The following NLRC3 variants were observed in gnomAD, a reference collection of about 807,000 sequenced individuals.
NLRC3 encodes the protein NLR family CARD domain-containing protein 3.
A neutral mutation model predicts 91.6 loss-of-function variants in NLRC3; 87 were observed. The ratio of observed to expected loss-of-function variants is 0.95; its 90% CI spans 0.80 to 1.14. NLRC3 has a LOEUF of 1.14. Ranked by LOEUF, NLRC3 falls within the 50% of genes most tolerant of loss-of-function variation. NLRC3 has a pLI of 0.00. For missense variants in NLRC3, 1,577 were observed against 1,418.6 expected (o/e 1.11, Z -1.79); for synonymous variants, 694 against 625.3 (o/e 1.11, Z -1.64).
chr16:3,556,865 T>G (rs769620794), intron 8 of NLRC3, 46 bp downstream of exon 8: 1 of 1,364,334 alleles, frequency 7.3e-7, no homozygotes, highest in Non-Finnish European at 1.0e-6. Context: ...GAGGGTTTTC[T>G]GGGCCCTCTC....
rs1311189799 is a variant in NLRC3, at chr16:3,541,035, T to A, written c.*790A>T. On this transcript the variant is annotated 3_prime_UTR_variant, in exon 20 of 20. Coordinates refer to ENST00000359128, the MANE Select transcript of NLRC3 (RefSeq NM_178844.4). ...GCCTGGCCAACATGATGAAACCCCG[T>A]CTCTACTAAAACTACAAAAATTAGC... 1.3e-5 allele frequency: 2 copies of A among 152,034 alleles called. No homozygotes were observed. The highest frequency in any genetic ancestry group is 6.6e-5 in the Admixed American group (1 of 15,260). 9.4% of individuals were successfully genotyped at this position (152,034 alleles called of 1,614,324 possible).
At position 3,539,490 on chromosome 16, in the gene NLRC3, C is replaced by T. The variant is rs901591677; in HGVS notation, c.*2335G>A. 1.3e-5 allele frequency: 2 copies of T among 152,154 alleles called. No individual in the cohort carries two copies. The highest frequency in any genetic ancestry group is 2.4e-5 in the African/African-American group (1 of 41,428). 9.4% of individuals were successfully genotyped at this position (152,154 alleles called of 1,614,324 possible). Reference sequence around the variant, plus strand: ...TTTGAAAAGGGAGAGAGGGAGGACTCTTTGTTTTCTCCACCAGTTTGGCTC... The same window carrying T: ...TTTGAAAAGGGAGAGAGGGAGGACTTTTTGTTTTCTCCACCAGTTTGGCTC... On this transcript the variant is annotated 3_prime_UTR_variant, in exon 20 of 20. Transcript: ENST00000359128.
chr16:3,562,640 C>G (rs550796483), intron 5 of NLRC3, among the ~76,000 whole-genome samples: 48 of 150,196 alleles, frequency 3.2e-4, no homozygotes, highest in Admixed American at 1.7e-3. Context: ...GACTCCATCT[C>G]AAAAAAAAAG....
intron 1 of NLRC3, among the ~76,000 whole-genome samples, chr16:3,576,298 C>G (rs1042727779): frequency 6.6e-6 from 1 of 152,218 alleles, no homozygotes; most frequent in Admixed American, 6.5e-5. Flanking sequence ...CCGTCTCTCT[C>G]GACCCTTGTC....
At chr16:3,560,257 G>A (rs1326555109) in intron 6 of NLRC3, among the ~76,000 whole-genome samples, 3 of 151,748 alleles carry the variant, frequency 2.0e-5, no homozygotes, top group Non-Finnish European at 4.4e-5. Context: ...ACCCTGTATC[G>A]ACTAAAAATA....
intron 9 of NLRC3, among the ~76,000 whole-genome samples, chr16:3,552,773 C>T (rs992573998): frequency 6.6e-6 from 1 of 152,098 alleles, no homozygotes; most frequent in African/African-American, 2.4e-5. Flanking sequence ...AACTCCGTCT[C>T]TACTAAAAAT....
Position 3,549,240 on chromosome 16 carries a change from A to C in NLRC3, c.2520-15T>G. 6.4e-7 allele frequency: 1 copy of C among 1,556,804 alleles called. No homozygotes were observed. The highest frequency in any genetic ancestry group is 8.7e-7 in the Non-Finnish European group (1 of 1,146,752). Reference sequence around the variant, plus strand: ...TTTCTCGAAGGCTGAAAAAAAAGGAAAGACCTGAGCTTCTGACCGGGCAGA... The same window carrying C: ...TTTCTCGAAGGCTGAAAAAAAAGGACAGACCTGAGCTTCTGACCGGGCAGA... On this transcript the variant is annotated splice_polypyrimidine_tract_variant and intron_variant, in intron 12 of 19. Coordinates refer to ENST00000359128, the MANE Select transcript of NLRC3 (RefSeq NM_178844.4).
In NLRC3 at chr16:3,556,932, T is replaced by C. The variant is rs749278050; in HGVS notation, c.2162A>G (p.Asn721Ser). ...ACACCTCAGGGAGGTCAGGGTGCGG[T>C]TGATCTTCAAAGCGTCTGCCAGCGC... Reference protein sequence around the residue: ...AKALADALKINRTLTSLSLQG... With the variant: ...AKALADALKISRTLTSLSLQG... Residue 721 changes from asparagine (N) to serine (S), a missense_variant, in exon 8 of 20, where the codon AAC (asparagine) becomes AGC (serine). By Grantham distance (46) the Asn-to-Ser change is conservative (BLOSUM62 1). Transcript: ENST00000359128. 5.0e-6 allele frequency: 8 copies of C among 1,613,470 alleles called. No individual in the cohort carries two copies. Among genetic ancestry groups the C allele is most frequent in the South Asian group, 2.2e-5 (2 of 91,036 alleles).
At chr16:3,575,907 C>G (rs1165788268) in intron 1 of NLRC3, among the ~76,000 whole-genome samples, 1 of 152,220 alleles carries the variant, frequency 6.6e-6, no homozygotes, top group Non-Finnish European at 1.5e-5. Flanking sequence ...GCCCCTGCCC[C>G]CTCCCAGGGC....
rs375515785 is a variant in NLRC3 at position 3,541,844 on chromosome 16, G to A, written c.3179C>T (p.Thr1060Met). ...ISEAIKTNAP[T>M]CTVEM ...CCAGGATCACATTTCAACAGTGCAC[G>A]TGGGAGCATTTGTCTTGATGGCCTC... Residue 1060 changes from threonine (T) to methionine (M), a missense_variant, in exon 20 of 20, where the codon ACG becomes ATG. Transcript: ENST00000359128. The A allele has an allele frequency of 1.9e-5, 30 of 1,610,664 alleles. No homozygotes were observed. The highest frequency in any genetic ancestry group is 2.7e-5 in the African/African-American group (2 of 75,004).
At chr16:3,550,343 C>T in intron 11 of NLRC3, 71 bp downstream of exon 11, 1 of 1,033,226 alleles carries the variant, frequency 9.7e-7, no homozygotes, top group East Asian at 2.4e-5. Context: ...AGCCATTTTT[C>T]AGGACTGCCG....
At chr16:3,547,242 C>T (rs960597058) in intron 15 of NLRC3, among the ~76,000 whole-genome samples, 2 of 152,168 alleles carry the variant, frequency 1.3e-5, no homozygotes, top group Non-Finnish European at 2.9e-5. Context: ...AGACAGGCTA[C>T]AATGTGGATG....
intron 18 of NLRC3, 60 bp from the exon 19 acceptor site, chr16:3,542,334 G>A (rs978461511): frequency 1.9e-6 from 2 of 1,054,374 alleles, no homozygotes; most frequent in African/African-American, 3.2e-5. Context: ...AAAACACCCG[G>A]GGAAGCAACA....
chr16:3,551,998 C>T (rs2039037466), intron 10 of NLRC3, among the ~76,000 whole-genome samples, 198 bp downstream of exon 10: 2 of 151,830 alleles, frequency 1.3e-5, no homozygotes, highest in African/African-American at 4.8e-5. Context: ...TCCATCCATC[C>T]ATCCATCCAT....
At chr16:3,552,889 G>A (rs578158757) in intron 9 of NLRC3, among the ~76,000 whole-genome samples, 1 of 152,276 alleles carries the variant, frequency 6.6e-6, no homozygotes, top group East Asian at 1.9e-4. Flanking sequence ...GCAGTGAGCC[G>A]AGATTACGCC....
rs777967629 is a variant in NLRC3 at position 3,550,459 on chromosome 16, G to C, written c.2390C>G (p.Ala797Gly). 6.2e-7 allele frequency: 1 copy of C among 1,613,566 alleles called. No individual in the cohort carries two copies. Among genetic ancestry groups the C allele is most frequent in the African/African-American group, 1.3e-5 (1 of 75,038 alleles). ...GTTCACCTTCAGGGCCTCAGCCAGG[G>C]CCTTGGCACCTCCATCACCAATACT... ...SNSIGDGGAK[A>G]LAEALKVNQG... Residue 797 changes from alanine (A) to glycine (G), a missense_variant, in exon 11 of 20, where the codon GCC becomes GGC. Physicochemically the swap from Ala to Gly is moderately conservative, Grantham distance 60. Transcript: ENST00000359128.
intron 6 of NLRC3, among the ~76,000 whole-genome samples, chr16:3,559,631 CTT>C (rs1261738397): frequency 7.0e-6 from 1 of 141,980 alleles, no homozygotes; most frequent in African/African-American, 2.6e-5. Flanking sequence ...TTTTACTTTT[CTT>C]TTTTTTTTTC....
chr16:3,548,736 AG>A lies in NLRC3; in HGVS notation c.2620del (p.Leu874SerfsTer13). The A allele has an allele frequency of 6.2e-7, 1 of 1,604,048 alleles. No individual in the cohort carries two copies. Among genetic ancestry groups the A allele is most frequent in the Non-Finnish European group, 8.5e-7 (1 of 1,175,634 alleles). The part of the protein sequence containing the change: ...LKNLDLTANL[L>X]HDQGARAIAV... Reference sequence around the variant, plus strand: ...GATGGCCCGGGCACCCTGGTCGTGGAGGAGGTTGGCTGTCAGGCTAGGAGGA... The same window carrying A: ...GATGGCCCGGGCACCCTGGTCGTGGAGAGGTTGGCTGTCAGGCTAGGAGGA... On this transcript the variant is annotated frameshift_variant, in exon 14 of 20. Transcript: ENST00000359128. LOFTEE classifies it high-confidence loss of function.
Position 3,561,611 on chromosome 16 carries a change from C to T in NLRC3, c.2015+91G>A, listed in dbSNP as rs565826321. 5.0e-5 allele frequency: 44 copies of T among 880,172 alleles called. 1 individual carries two copies. The East Asian group carries it at 1.0e-3, about 21-fold the overall frequency. 54.5% of individuals were successfully genotyped at this position (880,172 alleles called of 1,614,324 possible). A position where few individuals can be genotyped will look rare whatever the true frequency, so the allele number is the denominator to read the frequency against. The stretch of plus-strand genomic sequence containing the variant: ...CCAAAGACACTTCTCCGTGGCAGCG[C>T]CGCTGGCCAGCTGAGCAGAGGATGA... On this transcript the variant is annotated intron_variant, in intron 6 of 19. Transcript: ENST00000359128.
Sources: gnomAD v4.1 joint callset for allele counts (sites outside exome capture counted in the v4.1 genomes callset) on GRCh38, gnomAD v4.1.1 for gene constraint, MANE v1.5 for transcripts, NCBI Gene and HGNC (gene_info 2026-07-23, HGNC 2026-07-21) for gene names.